C12orf42: variants seen among roughly 807,000 people sequenced by gnomAD.
C12orf42 encodes chromosome 12 open reading frame 42.
C12orf42 carries 25 observed loss-of-function variants against 21.6 expected under a neutral mutation model. The observed-to-expected ratio is 1.16, with a 90% CI of 0.84 to 1.62. C12orf42 has a LOEUF of 1.62. Among genes scored for constraint, C12orf42 ranks in the 40% most tolerant of loss-of-function variants. C12orf42 has a pLI of 0.00. For missense variants in C12orf42, 483 were observed against 459.3 expected (o/e 1.05, Z -0.47); for synonymous variants, 174 against 175.0 (o/e 0.99, Z 0.05).
At chr12:103,365,748 A>G (rs534471073) in intron 4 of C12orf42, among the ~76,000 whole-genome samples, 1 of 152,146 alleles carries the variant, frequency 6.6e-6, no homozygotes, top group East Asian at 1.9e-4. Flanking sequence ...ATAAAATAAA[A>G]TACTTAGGAA....
At chr12:103,334,859 C>A (rs1278715738) in intron 4 of C12orf42, among the ~76,000 whole-genome samples, 1 of 152,184 alleles carries the variant, frequency 6.6e-6, no homozygotes. Flanking sequence ...CATTGCCAAG[C>A]GTTAGCAATA....
At chr12:103,391,414 A>G (rs2047069230) in intron 3 of C12orf42, among the ~76,000 whole-genome samples, 1 of 152,104 alleles carries the variant, frequency 6.6e-6, no homozygotes, top group African/African-American at 2.4e-5. Flanking sequence ...ATTTCTGCAC[A>G]TTTTTGCCAA....
the C12orf42 span, among the ~76,000 whole-genome samples, chr12:103,179,240 T>C: frequency 1.1e-3 from 164 of 152,330 alleles, no homozygotes; most frequent in Non-Finnish European, 2.0e-3. Context: ...AAAGAGGTGA[T>C]TGTTGCTATC....
At chr12:103,493,147 A>C (rs531451681) in intron 1 of C12orf42, among the ~76,000 whole-genome samples, 1 of 152,316 alleles carries the variant, frequency 6.6e-6, no homozygotes, top group African/African-American at 2.4e-5. Context: ...AGTGGTGATA[A>C]AATATAAATT....
intron 4 of C12orf42, among the ~76,000 whole-genome samples, chr12:103,324,010 T>C (rs945927297): frequency 6.6e-6 from 1 of 152,208 alleles, no homozygotes; most frequent in South Asian, 2.1e-4. Context: ...TTCACACTGA[T>C]TTTCCCACAT....
intron 2 of C12orf42, chr12:103,431,431 C>T (rs758115382): frequency 2.6e-5 from 4 of 152,138 alleles, no homozygotes; most frequent in South Asian, 2.1e-4. Context: ...CTATATGTCA[C>T]GGATGGTAAA....
chr12:103,096,113 C>T, the C12orf42 span, among the ~76,000 whole-genome samples: 2 of 152,122 alleles, frequency 1.3e-5, no homozygotes, highest in East Asian at 1.9e-4. Flanking sequence ...GATTGTGCTC[C>T]GTTTCTTTTG....
chr12:103,496,655 A>C (rs1193284118), upstream of C12orf42, among the ~76,000 whole-genome samples: 1 of 151,936 alleles, frequency 6.6e-6, no homozygotes, highest in East Asian at 1.9e-4. Context: ...CTTCATCACA[A>C]CTCATAATAT....
chr12:103,138,225 T>C, the C12orf42 span, among the ~76,000 whole-genome samples: 1 of 152,172 alleles, frequency 6.6e-6, no homozygotes, highest in African/African-American at 2.4e-5. Flanking sequence ...CTGCATGATA[T>C]GGTTTGGCTC....
intron 2 of C12orf42, among the ~76,000 whole-genome samples, chr12:103,410,721 C>T (rs1216898463): frequency 6.6e-6 from 1 of 152,186 alleles, no homozygotes. Flanking sequence ...AGGAGTTATT[C>T]CCAGGGTGGT....
At chr12:103,423,187 G>A (rs1048691408) in intron 2 of C12orf42, among the ~76,000 whole-genome samples, 6 of 152,288 alleles carry the variant, frequency 3.9e-5, no homozygotes, top group South Asian at 2.1e-4. Context: ...CCTTTGTCAC[G>A]GGGTCAAAGC....
chr12:103,421,187 C>T (rs926100468), intron 2 of C12orf42, among the ~76,000 whole-genome samples: 2 of 151,418 alleles, frequency 1.3e-5, no homozygotes, highest in African/African-American at 4.9e-5. Context: ...GGGCTAATGA[C>T]AAGGGAGAAA....
chr12:103,160,392 T>C, the C12orf42 span, among the ~76,000 whole-genome samples: 1 of 152,236 alleles, frequency 6.6e-6, no homozygotes, highest in Non-Finnish European at 1.5e-5. Flanking sequence ...AATTACCCTG[T>C]TCTCTAATAC....
chr12:103,143,793 A>G, the C12orf42 span, among the ~76,000 whole-genome samples: 1 of 152,230 alleles, frequency 6.6e-6, no homozygotes, highest in East Asian at 1.9e-4. Flanking sequence ...ACACAAACAA[A>G]CCAAACACTG....
chr12:103,105,882 A>C, the C12orf42 span, among the ~76,000 whole-genome samples: 1 of 152,186 alleles, frequency 6.6e-6, no homozygotes. Flanking sequence ...TGTTAATGAC[A>C]AGGAAGATAT....
intron 2 of C12orf42, among the ~76,000 whole-genome samples, chr12:103,438,883 T>C (rs1225054693): frequency 6.6e-6 from 1 of 151,260 alleles, no homozygotes; most frequent in East Asian, 1.9e-4. Context: ...CCAATGACTT[T>C]CTTCACAGAA....
chr12:103,222,730 T>A, the C12orf42 span, among the ~76,000 whole-genome samples: 1 of 152,116 alleles, frequency 6.6e-6, no homozygotes, highest in Non-Finnish European at 1.5e-5. Flanking sequence ...GTACTGAGTA[T>A]ATTTTACTAC....
the C12orf42 span, among the ~76,000 whole-genome samples, chr12:103,196,039 G>A: frequency 2.1e-4 from 32 of 152,018 alleles, no homozygotes; most frequent in Non-Finnish European, 4.4e-4. Flanking sequence ...ATCATTTATT[G>A]TATAAGGAGT....
At chr12:103,391,916 G>T (rs1372607745) in intron 3 of C12orf42, among the ~76,000 whole-genome samples, 1 of 152,066 alleles carries the variant, frequency 6.6e-6, no homozygotes, top group East Asian at 1.9e-4. Flanking sequence ...CTAAGGTCAT[G>T]AATATTTTGC....
Sources: gnomAD v4.1 joint callset for allele counts (sites outside exome capture counted in the v4.1 genomes callset) on GRCh38, gnomAD v4.1.1 for gene constraint, MANE v1.5 for transcripts, NCBI Gene and HGNC (gene_info 2026-07-23, HGNC 2026-07-21) for gene names.